The following SLC25A32 variants were observed in gnomAD, a reference collection of about 807,000 sequenced individuals.
SLC25A32 encodes Glycine auxotroph B, complementation of hamster.
SLC25A32 carries 32 observed loss-of-function variants against 39.0 expected under a neutral mutation model. That is an observed-to-expected ratio of 0.82 (90% CI 0.62 to 1.10). The LOEUF (loss-of-function observed/expected upper bound fraction) is 1.10, where lower values mean the gene tolerates loss of function less well. SLC25A32 is among the 50% of genes least tolerant of loss of function. SLC25A32 has a pLI of 0.00. For missense variants in SLC25A32, 367 were observed against 395.3 expected, an observed-to-expected ratio of 0.93 and a Z score of 0.61; for synonymous variants, 166 against 152.4, an observed-to-expected ratio of 1.09 and a Z score of -0.66.
At chr8:103,407,486 A>C (rs900413304) in intron 2 of SLC25A32, 148 bp downstream of exon 2, 1 of 561,292 alleles carries the variant, frequency 1.8e-6, no homozygotes, top group Non-Finnish European at 2.9e-6. Context: ...TCAAATAACT[A>C]ATCAGCCATT....
chr8:103,414,079 C>T (rs1188633049), intron 1 of SLC25A32, among the ~76,000 whole-genome samples: 1 of 152,162 alleles, frequency 6.6e-6, no homozygotes, highest in Non-Finnish European at 1.5e-5. Context: ...TAAACAACTT[C>T]TGTAGATTTA....
At position 103,414,966 on chromosome 8, in the gene SLC25A32, C is replaced by G; in HGVS notation, c.-29G>C. 6.3e-7 allele frequency: 1 copy of G among 1,583,712 alleles called. No homozygotes were observed. The highest frequency in any genetic ancestry group is 8.6e-7 in the Non-Finnish European group (1 of 1,164,806). ...CTCGGGGCCCGTCGACACCACGGCG[C>G]CCAGGGCCGCGGAGGTGGGACGCGA... On this transcript the variant is annotated 5_prime_UTR_variant, in exon 1 of 7. Coordinates refer to ENST00000297578, the MANE Select transcript of SLC25A32 (RefSeq NM_030780.5).
At chr8:103,402,562 T>C (rs1030431282) in intron 4 of SLC25A32, 7 of 152,234 alleles carry the variant, frequency 4.6e-5, no homozygotes, top group Non-Finnish European at 1.0e-4. Flanking sequence ...ATGTGTCTAA[T>C]TTTGATTTTA....
Position 103,402,063 on chromosome 8 carries a change from GAA to G in SLC25A32, c.553-11_553-10del, listed in dbSNP as rs753233050. ...AGCCCAGGAACAAATCCCTACAAGG[GAA>G]TGATTTTTAAAAAGCAAAACAACAT... On this transcript the variant is annotated splice_polypyrimidine_tract_variant and intron_variant, in intron 4 of 6. Coordinates refer to ENST00000297578, the MANE Select transcript of SLC25A32 (RefSeq NM_030780.5). 2 of 1,576,730 alleles carry G rather than the reference GAA, an allele frequency of 1.3e-6. No individual in the cohort carries two copies. The highest frequency in any genetic ancestry group is 1.7e-6 in the Non-Finnish European group (2 of 1,160,020).
At chr8:103,407,495 T>C in intron 2 of SLC25A32, 139 bp downstream of exon 2, 8 of 638,322 alleles carry the variant, frequency 1.3e-5, no homozygotes. Context: ...TAATCAGCCA[T>C]TTTGTTCTTC....
chr8:103,413,873 A>G (rs1208758752), intron 1 of SLC25A32, among the ~76,000 whole-genome samples: 1 of 152,154 alleles, frequency 6.6e-6, no homozygotes, highest in Non-Finnish European at 1.5e-5. Flanking sequence ...GTTTACCTGT[A>G]TTTATATTTT....
intron 1 of SLC25A32, among the ~76,000 whole-genome samples, chr8:103,409,761 T>C (rs1816420693): frequency 6.6e-6 from 1 of 152,232 alleles, no homozygotes; most frequent in Admixed American, 6.5e-5. Flanking sequence ...ATCATTAACC[T>C]GCCAACGTTA....
In SLC25A32 at chr8:103,398,709, T is replaced by C. The variant is rs1365864550; in HGVS notation, c.*1702A>G. On this transcript the variant is annotated 3_prime_UTR_variant, in exon 7 of 7. Coordinates refer to ENST00000297578, the MANE Select transcript of SLC25A32 (RefSeq NM_030780.5). The stretch of plus-strand genomic sequence containing the variant: ...ATAGGCGGTATTTAAACAATGGTGC[T>C]ATCTTAAACACCAAATATCAACTGC... 4 of 152,262 alleles carry C rather than the reference T, an allele frequency of 2.6e-5. No individual in the cohort carries two copies. Among genetic ancestry groups the C allele is most frequent in the Admixed American group, 1.3e-4 (2 of 15,282 alleles). The allele number at this position is 152,262 out of a possible 1,614,324, so 9.4% of individuals were successfully genotyped here.
At chr8:103,404,079 C>T (rs767157879) in intron 3 of SLC25A32, among the ~76,000 whole-genome samples, 2 of 152,134 alleles carry the variant, frequency 1.3e-5, no homozygotes, top group Non-Finnish European at 1.5e-5. Context: ...CAAAGACTTA[C>T]GGCTCTTACT....
At chr8:103,404,705 A>G (rs1816289684) in intron 3 of SLC25A32, 71 bp downstream of exon 3, 1 of 1,023,628 alleles carries the variant, frequency 9.8e-7, no homozygotes, top group African/African-American at 1.6e-5. Context: ...GTTCAAAGAA[A>G]AGAAATCAAA....
intron 1 of SLC25A32, among the ~76,000 whole-genome samples, chr8:103,408,468 G>GTT (rs1164116742): frequency 6.6e-6 from 1 of 152,096 alleles, no homozygotes; most frequent in Non-Finnish European, 1.5e-5. Flanking sequence ...GGATTTGAAT[G>GTT]TTAAAAAATA....
At chr8:103,412,694 G>A (rs923519161) in intron 1 of SLC25A32, among the ~76,000 whole-genome samples, 3 of 152,058 alleles carry the variant, frequency 2.0e-5, no homozygotes, top group African/African-American at 4.8e-5. Context: ...TCTCTCCCGA[G>A]CTAAACTAGT....
intron 1 of SLC25A32, 130 bp downstream of exon 1, chr8:103,414,654 T>C: frequency 7.5e-7 from 1 of 1,328,380 alleles, no homozygotes; most frequent in East Asian, 2.5e-5. Flanking sequence ...CAAATCTAGT[T>C]CAGGTTAGCC....
intron 1 of SLC25A32, among the ~76,000 whole-genome samples, chr8:103,412,447 A>G (rs964944811): frequency 2.6e-5 from 4 of 152,178 alleles, no homozygotes; most frequent in Non-Finnish European, 5.9e-5. Flanking sequence ...GGCCTGAATA[A>G]TCATCCAATC....
At position 103,401,613 on chromosome 8, in the gene SLC25A32, C is replaced by T. The variant is rs777776802; in HGVS notation, c.715G>A (p.Val239Ile). ...SVAALSKIFA[V>I]AATYPYQVVR... ...ACTTGATATGGGTATGTTGCTGCGA[C>T]AGCAAATATTTTGGATAGTGCTGCA... Residue 239 changes from valine (V) to isoleucine (I), a missense_variant, in exon 6 of 7, where the codon GTC (valine) becomes ATC (isoleucine). Coordinates refer to ENST00000297578, the MANE Select transcript of SLC25A32 (RefSeq NM_030780.5). 1.9e-6 allele frequency: 3 copies of T among 1,613,358 alleles called. No homozygotes were observed. Among genetic ancestry groups the T allele is most frequent in the African/African-American group, 2.7e-5 (2 of 74,910 alleles).
At chr8:103,408,357 C>T (rs911689487) in intron 1 of SLC25A32, among the ~76,000 whole-genome samples, 4 of 152,114 alleles carry the variant, frequency 2.6e-5, no homozygotes, top group African/African-American at 9.7e-5. Context: ...ATACTAAGCA[C>T]TCAAATAATA....
At chr8:103,404,621 A>T (rs1816288001) in intron 3 of SLC25A32, among the ~76,000 whole-genome samples, 155 bp downstream of exon 3, 1 of 151,788 alleles carries the variant, frequency 6.6e-6, no homozygotes, top group Admixed American at 6.6e-5. Flanking sequence ...AAACCGAAAA[A>T]CAAACAAACA....
At position 103,401,643 on chromosome 8, in the gene SLC25A32, A is replaced by C; in HGVS notation, c.685T>G (p.Ser229Ala). ...EAQLSTVEYI[S>A]VAALSKIFAV... ...AATATTTTGGATAGTGCTGCAACAG[A>C]TATATATTCTACTGTGCTCTAAAAT... The change falls in exon 6 of 7, where the codon TCT (serine) becomes GCT (alanine). Residue 229 changes from serine to alanine, a missense_variant. Transcript: ENST00000297578. The C allele has an allele frequency of 5.6e-6, 9 of 1,611,960 alleles. No homozygotes were observed. The highest frequency in any genetic ancestry group is 7.6e-6 in the Non-Finnish European group (9 of 1,179,038).
At chr8:103,403,767 A>G (rs1391722968) in intron 3 of SLC25A32, among the ~76,000 whole-genome samples, 5 of 152,238 alleles carry the variant, frequency 3.3e-5, no homozygotes, top group African/African-American at 1.2e-4. Context: ...CATGTGACAC[A>G]TATATCTACC....
Sources: allele counts gnomAD v4.1 joint callset (sites outside exome capture counted in the v4.1 genomes callset), GRCh38; gene constraint gnomAD v4.1.1; transcripts MANE v1.5; gene names NCBI Gene and HGNC (gene_info 2026-07-23, HGNC 2026-07-21).